Variants in DVL2 observed in about 807,000 individuals in gnomAD.
DVL2 encodes dishevelled segment polarity protein 2, also known as segment polarity protein dishevelled homolog DVL-2.
A neutral mutation model predicts 69.8 loss-of-function variants in DVL2; 38 were observed. The observed-to-expected ratio is 0.54, with a 90% CI of 0.42 to 0.71. The LOEUF (loss-of-function observed/expected upper bound fraction) is 0.71, where lower values mean the gene tolerates loss of function less well. Ranked by LOEUF, DVL2 falls within the 30% of genes least tolerant of loss-of-function variation. The pLI, the probability that DVL2 is intolerant of heterozygous loss-of-function variation, is 0.00. For missense variants in DVL2, 931 were observed against 1,008.1 expected (o/e 0.92, Z 1.04); for synonymous variants, 428 against 392.4 (o/e 1.09, Z -1.07).
In DVL2 at chr17:7,227,701, A is replaced by G; in HGVS notation, c.1185T>C (p.Gly395=). Residue 395 remains glycine (G), a synonymous_variant, in exon 11 of 15, where the codon GGT becomes GGC. Transcript: ENST00000005340. ...ATGTAATGGTGCTCATGGAGGAGGA[A>G]CCTGGATAGGCTGGGAAGGTGCCAG... ...ALTGTFPAYP[G]SSSMSTITSG... is the part of the protein sequence containing the mutation. The G allele has an allele frequency of 6.2e-7, 1 of 1,613,254 alleles. No individual in the cohort carries two copies. Among genetic ancestry groups the G allele is most frequent in the Non-Finnish European group, 8.5e-7 (1 of 1,179,592 alleles).
rs903308301 is a variant in DVL2, at chr17:7,234,477, GC to G, written c.-216del. 1.8e-6 allele frequency: 1 copy of G among 560,362 alleles called. No individual in the cohort carries two copies. The highest frequency in any genetic ancestry group is 3.8e-5 in the Admixed American group (1 of 26,078). The allele number at this position is 560,362 out of a possible 1,614,324, so 34.7% of individuals were successfully genotyped here. A position where few individuals can be genotyped will look rare whatever the true frequency, so the allele number is the denominator to read the frequency against. ...AAGCCCCGGTCTCAGCGGCCGCCGC[GC>G]GCCACCGCCACCGACGCCGCGAGCT... On this transcript the variant is annotated 5_prime_UTR_variant, in exon 1 of 15. Coordinates refer to ENST00000005340, the MANE Select transcript of DVL2 (RefSeq NM_004422.3).
At chr17:7,230,851 AC>A (rs1260385561) in intron 1 of DVL2, 54 bp from the exon 2 acceptor site, 2 of 1,375,416 alleles carry the variant, frequency 1.5e-6, no homozygotes, top group Non-Finnish European at 2.0e-6. Context: ...CCCCACCCCG[AC>A]CCCCATCAAA....
chr17:7,234,475 G>C lies in DVL2; in HGVS notation c.-213C>G, dbSNP rs992249975. On this transcript the variant is annotated 5_prime_UTR_variant, in exon 1 of 15. Coordinates refer to ENST00000005340, the MANE Select transcript of DVL2 (RefSeq NM_004422.3). ...CAAAGCCCCGGTCTCAGCGGCCGCC[G>C]CGCGCCACCGCCACCGACGCCGCGA... 3.6e-6 allele frequency: 2 copies of C among 559,060 alleles called. No homozygotes were observed. The highest frequency in any genetic ancestry group is 2.5e-5 in the South Asian group (1 of 40,364). 34.6% of individuals were successfully genotyped at this position (559,060 alleles called of 1,614,324 possible). A position where few individuals can be genotyped will look rare whatever the true frequency, so the allele number is the denominator to read the frequency against.
At position 7,226,066 on chromosome 17, in the gene DVL2, G is replaced by A; in HGVS notation, c.2010C>T (p.Pro670=). The A allele has an allele frequency of 6.2e-7, 1 of 1,603,086 alleles. No individual in the cohort carries two copies. The highest frequency in any genetic ancestry group is 1.1e-5 in the South Asian group (1 of 89,904). Reference sequence around the variant, plus strand: ...GGTTGTAGGGGAGGGCCATGCCAGGGGGCGGTCCATAGGGATGGAGCCCTG... The same window carrying A: ...GGTTGTAGGGGAGGGCCATGCCAGGAGGCGGTCCATAGGGATGGAGCCCTG... ...AHPGLHPYGP[P]PGMALPYNPM... is the part of the protein sequence containing the mutation. The change falls in exon 15 of 15, where the codon CCC becomes CCT. Residue 670 remains proline (P), a synonymous_variant. Coordinates refer to ENST00000005340, the MANE Select transcript of DVL2 (RefSeq NM_004422.3).
rs1488181603 is a variant in DVL2 at position 7,227,083 on chromosome 17, G to T, written c.1543+7C>A. The stretch of plus-strand genomic sequence containing the variant: ...CACACTCCCAGAGTTGGGGCAGGGG[G>T]ACTTACAGCTCTCACAGCCACCACT... On this transcript the variant is annotated splice_region_variant and intron_variant, in intron 13 of 14. Transcript: ENST00000005340. 18 of 1,603,566 alleles carry T rather than the reference G, an allele frequency of 1.1e-5. No individual in the cohort carries two copies. Among genetic ancestry groups the T allele is most frequent in the Admixed American group, 1.7e-5 (1 of 59,142 alleles).
At position 7,229,836 on chromosome 17, in the gene DVL2, C is replaced by G; in HGVS notation, c.628G>C (p.Asp210His). 7 of 1,612,492 alleles carry G rather than the reference C, an allele frequency of 4.3e-6. No homozygotes were observed. Among genetic ancestry groups the G allele is most frequent in the Non-Finnish European group, 5.9e-6 (7 of 1,179,882 alleles). ...CTCATGGTGTCCTCCTCGTCCGAGT[C>G]CCCCAGGCTGGTACTCTCCAGCTCG... Reference protein sequence around the residue: ...TSELESTSLGDSDEEDTMSRF... With the variant: ...TSELESTSLGHSDEEDTMSRF... The change falls in exon 5 of 15, where the codon GAC becomes CAC. Residue 210 changes from aspartate (D) to histidine (H), a missense_variant. Asp to His is a moderately conservative substitution (Grantham distance 81, BLOSUM62 -1). This residue lies in a region of DVL2 where 555 missense variants were observed against 588.8 expected (regional missense o/e 0.94). Transcript: ENST00000005340. The surrounding 1 kb of genome is among the most constrained non-coding windows in gnomAD (Gnocchi z 4.4).
rs751843492 is a variant in DVL2 at position 7,226,070 on chromosome 17, G to A, written c.2006C>T (p.Pro669Leu). 1.9e-6 allele frequency: 3 copies of A among 1,599,392 alleles called. No individual in the cohort carries two copies. Among genetic ancestry groups the A allele is most frequent in the Non-Finnish European group, 1.7e-6 (2 of 1,171,964 alleles). The part of the protein sequence containing the change: ...RAHPGLHPYG[P>L]PPGMALPYNP... ...GTAGGGGAGGGCCATGCCAGGGGGCGGTCCATAGGGATGGAGCCCTGGGTG... is the reference window on the plus strand; with the variant it reads ...GTAGGGGAGGGCCATGCCAGGGGGCAGTCCATAGGGATGGAGCCCTGGGTG... Residue 669 changes from proline (P) to leucine (L), a missense_variant, in exon 15 of 15, where the codon CCG becomes CTG. By Grantham distance (98) the Pro-to-Leu change is moderately conservative. Coordinates refer to ENST00000005340, the MANE Select transcript of DVL2 (RefSeq NM_004422.3).
chr17:7,227,611 A>G (rs930636222), intron 11 of DVL2, 44 bp downstream of exon 11: 6 of 1,614,124 alleles, frequency 3.7e-6, no homozygotes, highest in Non-Finnish European at 5.1e-6. Flanking sequence ...ACTGCGGGAC[A>G]GCCTTCTGCT....
chr17:7,225,857 A>G lies in DVL2; in HGVS notation c.*8T>C. On this transcript the variant is annotated 3_prime_UTR_variant, in exon 15 of 15. Transcript: ENST00000005340. ...GGAGCGCCCGGCCCAGCCTGGCCCC[A>G]CAGTGGGCTACATAACATCCACAAA... 6.2e-7 allele frequency: 1 copy of G among 1,613,176 alleles called. No individual in the cohort carries two copies. Among genetic ancestry groups the G allele is most frequent in the Non-Finnish European group, 8.5e-7 (1 of 1,179,668 alleles).
In DVL2 at chr17:7,229,065, G is replaced by T. The variant is rs1188723744; in HGVS notation, c.958-20C>A. 1 of 1,614,148 alleles carries T rather than the reference G, an allele frequency of 6.2e-7. No homozygotes were observed. Among genetic ancestry groups the T allele is most frequent in the South Asian group, 1.1e-5 (1 of 91,072 alleles). On this transcript the variant is annotated intron_variant, in intron 8 of 14. Transcript: ENST00000005340. This position sits in a 1 kb window ranked among gnomAD's most constrained non-coding sequence, Gnocchi z 4.4. Reference sequence around the variant, plus strand: ...ATTCACCTGGAAGCGACGGCAAGTGGGTCAGAGACACGGTGGGAGAGGCTG... The same window carrying T: ...ATTCACCTGGAAGCGACGGCAAGTGTGTCAGAGACACGGTGGGAGAGGCTG...
At chr17:7,228,193 A>C in intron 9 of DVL2, 149 bp from the exon 10 acceptor site, 1 of 624,104 alleles carries the variant, frequency 1.6e-6, no homozygotes, top group Non-Finnish European at 2.8e-6. Context: ...GGTGGAAGGC[A>C]CCACAATGTG....
Position 7,229,242 on chromosome 17 carries a change from C to T in DVL2, c.850G>A (p.Gly284Ser). The part of the protein sequence containing the change: ...KYNFLGISIV[G>S]QSNERGDGGI... ...CCGTCTCCCCGCTCATTGCTCTGGC[C>T]AACAATGGAGATACCCAGGAAGTTG... is the stretch of plus-strand genomic sequence containing the variant. The change falls in exon 8 of 15, where the codon GGC becomes AGC. Residue 284 changes from glycine (G) to serine (S), a missense_variant. Physicochemically the swap from Gly to Ser is moderately conservative, Grantham distance 56 (BLOSUM62 0). Transcript: ENST00000005340. The surrounding 1 kb of genome is among the most constrained non-coding windows in gnomAD (Gnocchi z 4.4). The T allele has an allele frequency of 3.1e-6, 5 of 1,614,154 alleles. No individual in the cohort carries two copies. Among genetic ancestry groups the T allele is most frequent in the Non-Finnish European group, 4.2e-6 (5 of 1,180,028 alleles).
At position 7,225,806 on chromosome 17, in the gene DVL2, C is replaced by T. The variant is rs562872082; in HGVS notation, c.*59G>A. On this transcript the variant is annotated 3_prime_UTR_variant, in exon 15 of 15. Coordinates refer to ENST00000005340, the MANE Select transcript of DVL2 (RefSeq NM_004422.3). Reference sequence around the variant, plus strand: ...AGGCACTGTAAGAGCAAGCACATGACGGCCAGGACACCCAGTCACACACCA... The same window carrying T: ...AGGCACTGTAAGAGCAAGCACATGATGGCCAGGACACCCAGTCACACACCA... 5.8e-4 allele frequency: 843 copies of T among 1,453,714 alleles called. 14 individuals are homozygous for T. In the South Asian group the frequency reaches 8.7e-3, roughly 15 times the overall value. 90.1% of individuals were successfully genotyped at this position (1,453,714 alleles called of 1,614,324 possible). A position where few individuals can be genotyped will look rare whatever the true frequency, so the allele number is the denominator to read the frequency against.
At chr17:7,231,368 T>C (rs1190694631) in intron 1 of DVL2, among the ~76,000 whole-genome samples, 2 of 140,678 alleles carry the variant, frequency 1.4e-5, no homozygotes, top group East Asian at 4.2e-4. Context: ...GAGGCTGAGA[T>C]GGGAGAGTCG....
intron 1 of DVL2, among the ~76,000 whole-genome samples, chr17:7,231,191 C>T (rs1315813285): frequency 1.3e-5 from 2 of 152,088 alleles, no homozygotes; most frequent in Admixed American, 6.5e-5. Context: ...AGGTCAGGCA[C>T]GGTGGCTCAC....
rs746934686 is a variant in DVL2, at chr17:7,227,493, G to A, written c.1274C>T (p.Ser425Leu). 25 of 1,614,070 alleles carry A rather than the reference G, an allele frequency of 1.5e-5. No individual in the cohort carries two copies. Among genetic ancestry groups the A allele is most frequent in the Admixed American group, 1.5e-4 (9 of 60,016 alleles). Residue 425 changes from serine to leucine, a missense_variant, in exon 12 of 15, where the codon TCG (serine) becomes TTG (leucine). This residue lies in a region of DVL2 where 555 missense variants were observed against 588.8 expected (regional missense o/e 0.94). Coordinates refer to ENST00000005340, the MANE Select transcript of DVL2 (RefSeq NM_004422.3). ...TGGAGCTGCCATGGCCTTGGTCACCGATGCCATGTCCGTATGGACGGAGAG... is the reference window on the plus strand; with the variant it reads ...TGGAGCTGCCATGGCCTTGGTCACCAATGCCATGTCCGTATGGACGGAGAG... ...RGLSVHTDMASVTKAMAAPES... is the reference protein window; with the variant it reads ...RGLSVHTDMALVTKAMAAPES...
At chr17:7,232,455 G>C (rs1021319054) in intron 1 of DVL2, among the ~76,000 whole-genome samples, 12 of 152,172 alleles carry the variant, frequency 7.9e-5, no homozygotes, top group African/African-American at 1.4e-4. Context: ...TCCACTCTGA[G>C]GCAAATTATT....
Position 7,229,748 on chromosome 17 carries a change from G to T in DVL2, c.656+60C>A. ...CATGGGGCCAAGAGAAAGAACAAGA[G>T]GATTGACTGGAAGACGAGACGGGGC... On this transcript the variant is annotated intron_variant, in intron 5 of 14. Transcript: ENST00000005340. The surrounding 1 kb of genome is among the most constrained non-coding windows in gnomAD (Gnocchi z 4.4). 6.3e-7 allele frequency: 1 copy of T among 1,588,826 alleles called. No homozygotes were observed.
rs776260732 is a variant in DVL2 at position 7,225,846 on chromosome 17, A to G, written c.*19T>C. On this transcript the variant is annotated 3_prime_UTR_variant, in exon 15 of 15. Coordinates refer to ENST00000005340, the MANE Select transcript of DVL2 (RefSeq NM_004422.3). ...GTCACACACCAGGAGCGCCCGGCCC[A>G]GCCTGGCCCCACAGTGGGCTACATA... is the stretch of plus-strand genomic sequence containing the variant. The G allele has an allele frequency of 1.2e-6, 2 of 1,610,986 alleles. No individual in the cohort carries two copies. Among genetic ancestry groups the G allele is most frequent in the South Asian group, 2.2e-5 (2 of 91,020 alleles).
Sources: allele counts gnomAD v4.1 joint callset (sites outside exome capture counted in the v4.1 genomes callset), GRCh38; gene constraint gnomAD v4.1.1; regional missense constraint gnomAD v4.1.1; non-coding constraint Gnocchi (gnomAD v3.1); transcripts MANE v1.5; gene names NCBI Gene and HGNC (gene_info 2026-07-23, HGNC 2026-07-21).